Variants in GPLD1 observed in about 807,000 individuals in gnomAD.
GPLD1 encodes phosphatidylinositol-glycan-specific phospholipase D.
GPLD1 carries 84 observed loss-of-function variants against 112.6 expected under a neutral mutation model. That is an observed-to-expected ratio of 0.75 (90% confidence interval 0.63 to 0.89). The LOEUF (loss-of-function observed/expected upper bound fraction) is 0.89. GPLD1 is among the 40% of genes least tolerant of loss of function. The pLI is 0.00. For synonymous variants in GPLD1, 386 were observed against 403.8 expected, an observed-to-expected ratio of 0.96 and a Z score of 0.53; for missense variants, 1,044 against 1,051.5, an observed-to-expected ratio of 0.99 and a Z score of 0.10.
Position 24,428,722 on chromosome 6 carries a change from T to C in GPLD1, c.*310A>G. ...GAGGAAATAGGTTGTACAGCAGGTC[T>C]GACTACAGGCAATAAGTTGGGAAAG... On this transcript the variant is annotated 3_prime_UTR_variant, in exon 25 of 25. Transcript: ENST00000230036. 1 of 236,178 alleles carries C rather than the reference T, an allele frequency of 4.2e-6. No individual in the cohort carries two copies. Among genetic ancestry groups the C allele is most frequent in the Non-Finnish European group, 8.1e-6 (1 of 122,832 alleles). The allele number at this position is 236,178 out of a possible 1,614,324, so 14.6% of individuals were successfully genotyped here.
chr6:24,465,741 CT>C (rs201936851), intron 10 of GPLD1, among the ~76,000 whole-genome samples: 14,083 of 152,144 alleles, frequency 0.093, 885 homozygotes, highest in South Asian at 0.15. Flanking sequence ...AATTCTTGTC[CT>C]GAGCATGCTT....
chr6:24,474,206 C>CACACACATAT (rs1386205113), intron 5 of GPLD1, among the ~76,000 whole-genome samples: 196 of 120,844 alleles, frequency 1.6e-3, no homozygotes, highest in Middle Eastern at 5.1e-3. Context: ...CACACACACA[C>CACACACATAT]ATATATATGC....
At chr6:24,481,753 A>G (rs190306938) in intron 2 of GPLD1, among the ~76,000 whole-genome samples, 6 of 152,314 alleles carry the variant, frequency 3.9e-5, no homozygotes, top group Admixed American at 3.3e-4. Context: ...GTGGAGAGAT[A>G]TAGAAACCAT....
intron 11 of GPLD1, among the ~76,000 whole-genome samples, chr6:24,460,978 G>A (rs1054820051): frequency 6.6e-6 from 1 of 152,050 alleles, no homozygotes; most frequent in Non-Finnish European, 1.5e-5. Flanking sequence ...CCTGAGCTCA[G>A]GTGATCCACC....
At chr6:24,488,280 C>G (rs1003048570) in intron 1 of GPLD1, among the ~76,000 whole-genome samples, 6 of 152,020 alleles carry the variant, frequency 3.9e-5, no homozygotes, top group African/African-American at 1.4e-4. Context: ...GGCGTGGTGG[C>G]GGGCACCTGT....
At chr6:24,480,902 C>T (rs1764180503) in intron 2 of GPLD1, among the ~76,000 whole-genome samples, 1 of 152,224 alleles carries the variant, frequency 6.6e-6, no homozygotes, top group Non-Finnish European at 1.5e-5. Context: ...GGTTTTTCCA[C>T]AGCAGAGGTA....
intron 13 of GPLD1, among the ~76,000 whole-genome samples, chr6:24,454,634 C>A (rs1763207435): frequency 6.6e-6 from 1 of 152,198 alleles, no homozygotes. Flanking sequence ...GTGAAATAGA[C>A]TATGTTTTTA....
intron 20 of GPLD1, among the ~76,000 whole-genome samples, chr6:24,444,823 TG>T (rs1232131452): frequency 6.6e-6 from 1 of 152,046 alleles, no homozygotes; most frequent in Non-Finnish European, 1.5e-5. Flanking sequence ...CACTCCAGCC[TG>T]GGCGACACAG....
At position 24,425,969 on chromosome 6, in the gene GPLD1, A is replaced by C. The variant is rs1280542806; in HGVS notation, c.*3063T>G. 1 of 152,210 alleles carries C rather than the reference A, an allele frequency of 6.6e-6. No homozygotes were observed. The highest frequency in any genetic ancestry group is 1.5e-5 in the Non-Finnish European group (1 of 68,038). 9.4% of individuals were successfully genotyped at this position (152,210 alleles called of 1,614,324 possible). On this transcript the variant is annotated 3_prime_UTR_variant, in exon 25 of 25. Transcript: ENST00000230036. ...TAGTAATACCTACAGAGGTGAGCTA[A>C]TGGATGGTACATGGAGTAGGGACTG...
chr6:24,495,120 G>A, exon 1 of GPLD1: 1 of 1,374,872 alleles, frequency 7.3e-7, no homozygotes, highest in Non-Finnish European at 9.3e-7. Flanking sequence ...GCCCGGCCCG[G>A]CCCAGCTCCG....
At chr6:24,489,141 TCTCA>T (rs1309618427) in intron 1 of GPLD1, among the ~76,000 whole-genome samples, 4 of 152,178 alleles carry the variant, frequency 2.6e-5, no homozygotes, top group Admixed American at 6.5e-5. Context: ...TCACTGAGCC[TCTCA>T]CTATTTCCCC....
chr6:24,445,237 G>A (rs968187075), intron 20 of GPLD1, among the ~76,000 whole-genome samples: 7 of 152,000 alleles, frequency 4.6e-5, no homozygotes. Flanking sequence ...CATGTTGCCA[G>A]GCTGGTCTCC....
At chr6:24,463,786 T>G (rs571072921) in intron 10 of GPLD1, among the ~76,000 whole-genome samples, 14 of 152,224 alleles carry the variant, frequency 9.2e-5, no homozygotes, top group Non-Finnish European at 1.8e-4. Context: ...ATGTTTTCCT[T>G]TCTGTTATGA....
At chr6:24,468,845 G>C (rs1433164008) in intron 7 of GPLD1, among the ~76,000 whole-genome samples, 1 of 152,200 alleles carries the variant, frequency 6.6e-6, no homozygotes, top group East Asian at 1.9e-4. Flanking sequence ...AAAATGTACA[G>C]ATAACCAAGA....
At chr6:24,473,563 G>A (rs771658820) in intron 6 of GPLD1, 56 bp downstream of exon 6, 2 of 1,046,098 alleles carry the variant, frequency 1.9e-6, no homozygotes, top group South Asian at 1.3e-5. Context: ...CAGTAGTGAT[G>A]TCATTATAAG....
At position 24,436,611 on chromosome 6, in the gene GPLD1, A is replaced by G. The variant is rs1464464674; in HGVS notation, c.2323T>C (p.Cys775Arg). 1.2e-6 allele frequency: 2 copies of G among 1,613,920 alleles called. No homozygotes were observed. Among genetic ancestry groups the G allele is most frequent in the African/African-American group, 2.7e-5 (2 of 74,920 alleles). ...GGACATGGAGTTATCCATGATTTGC[A>G]TTTGCCAGTCATGTCACCAAGGGTG... is the stretch of plus-strand genomic sequence containing the variant. Reference protein sequence around the residue: ...ETTLGDMTGKCKSWITPCPEE... With the variant: ...ETTLGDMTGKRKSWITPCPEE... Residue 775 changes from cysteine (C) to arginine (R), a missense_variant, in exon 22 of 25, where the codon TGC becomes CGC. Transcript: ENST00000230036.
chr6:24,489,680 G>C (rs1183999738), upstream of GPLD1: 1 of 1,137,378 alleles, frequency 8.8e-7, no homozygotes, highest in East Asian at 2.6e-5. Flanking sequence ...GAAGTCAACT[G>C]TCCAACTACT....
intron 3 of GPLD1, among the ~76,000 whole-genome samples, chr6:24,479,056 A>G (rs912882098): frequency 6.6e-6 from 1 of 152,186 alleles, no homozygotes; most frequent in African/African-American, 2.4e-5. Context: ...TACAGTCAGC[A>G]TAACCATAAA....
intron 3 of GPLD1, among the ~76,000 whole-genome samples, chr6:24,479,664 ACTAGGT>A (rs1163751574): frequency 6.6e-6 from 1 of 152,224 alleles, no homozygotes; most frequent in Non-Finnish European, 1.5e-5. Flanking sequence ...TCTATGCTTA[ACTAGGT>A]CAGTTATAGC....
Sources: allele counts gnomAD v4.1 joint callset (sites outside exome capture counted in the v4.1 genomes callset), GRCh38; gene constraint gnomAD v4.1.1; transcripts MANE v1.5; gene names NCBI Gene and HGNC (gene_info 2026-07-23, HGNC 2026-07-21).